Variants in TLK1 observed in about 807,000 individuals in gnomAD.
TLK1 encodes the protein serine/threonine-protein kinase tousled-like 1.
Under a neutral mutation model 105.3 loss-of-function variants are expected in TLK1, and 24 were observed. The observed-to-expected ratio is 0.23, with a 90% CI of 0.17 to 0.32. The LOEUF (loss-of-function observed/expected upper bound fraction) is 0.32. Among genes scored for constraint, TLK1 ranks in the 10% least tolerant of loss-of-function variants. The pLI, the probability that TLK1 is intolerant of heterozygous loss-of-function variation, is 1.00. For synonymous variants in TLK1, 321 were observed against 310.4 expected, an observed-to-expected ratio of 1.03 and a Z score of -0.36; for missense variants, 558 against 910.5, an observed-to-expected ratio of 0.61 and a Z score of 4.98.
chr2:171,129,635 T>A (rs1197150958), intron 1 of TLK1, among the ~76,000 whole-genome samples: 1 of 151,958 alleles, frequency 6.6e-6, no homozygotes, highest in Non-Finnish European at 1.5e-5. Flanking sequence ...GCCCAGGAGT[T>A]CGAGACCAGC....
chr2:171,072,994 A>G (rs1449324361), intron 3 of TLK1, among the ~76,000 whole-genome samples: 2 of 151,002 alleles, frequency 1.3e-5, no homozygotes, highest in African/African-American at 2.4e-5. Flanking sequence ...TGCAAATGGG[A>G]TTACTTTCTT....
At chr2:171,078,482 G>T (rs1423001913) in intron 3 of TLK1, among the ~76,000 whole-genome samples, 1 of 152,022 alleles carries the variant, frequency 6.6e-6, no homozygotes, top group Admixed American at 6.6e-5. Flanking sequence ...AGGTTGTGGT[G>T]AGCTGAGATC....
At chr2:171,176,463 T>G (rs1377595632) in intron 1 of TLK1, among the ~76,000 whole-genome samples, 3 of 152,172 alleles carry the variant, frequency 2.0e-5, no homozygotes, top group African/African-American at 7.2e-5. Flanking sequence ...CCCCCAAACC[T>G]GTTCTTTCCC....
intron 10 of TLK1, among the ~76,000 whole-genome samples, chr2:171,048,134 A>C (rs1306106190): frequency 6.6e-6 from 1 of 152,138 alleles, no homozygotes; most frequent in Non-Finnish European, 1.5e-5. Flanking sequence ...TTTTCAGTAG[A>C]GACAGGGTTT....
At chr2:170,997,104 T>C (rs1200744725) in intron 19 of TLK1, among the ~76,000 whole-genome samples, 6 of 152,200 alleles carry the variant, frequency 3.9e-5, no homozygotes, top group African/African-American at 1.2e-4. Flanking sequence ...AAAATGTCTA[T>C]GACAATTTCC....
chr2:171,189,322 A>T (rs1377707568), intron 1 of TLK1, among the ~76,000 whole-genome samples: 1 of 152,130 alleles, frequency 6.6e-6, no homozygotes, highest in South Asian at 2.1e-4. Context: ...GCCCACCACC[A>T]TGCCCTGTTA....
intron 1 of TLK1, among the ~76,000 whole-genome samples, chr2:171,182,189 A>C (rs1240781700): frequency 1.3e-5 from 2 of 152,258 alleles, no homozygotes; most frequent in African/African-American, 4.8e-5. Context: ...GGCAATCAGC[A>C]TAATAAAAAT....
intron 12 of TLK1, among the ~76,000 whole-genome samples, chr2:171,020,635 C>A (rs562036780): frequency 6.6e-6 from 1 of 151,768 alleles, no homozygotes; most frequent in Non-Finnish European, 1.5e-5. Context: ...TCGAATTTAT[C>A]CTTATTATGT....
At chr2:171,016,772 A>C (rs1487277263) in intron 12 of TLK1, among the ~76,000 whole-genome samples, 3 of 152,328 alleles carry the variant, frequency 2.0e-5, no homozygotes, top group South Asian at 4.1e-4. Flanking sequence ...AACAAATTAT[A>C]TCTCTAAAGA....
intron 1 of TLK1, among the ~76,000 whole-genome samples, chr2:171,219,207 A>G (rs2193452): frequency 0.96 from 146,956 of 152,294 alleles, 71,118 homozygotes; most frequent in East Asian, 1. Flanking sequence ...GGCCAAAAGC[A>G]AGGTGTTGGC....
chr2:171,167,488 T>C (rs1320043328), intron 1 of TLK1, among the ~76,000 whole-genome samples: 2 of 152,228 alleles, frequency 1.3e-5, no homozygotes, highest in Non-Finnish European at 2.9e-5. Flanking sequence ...TGAAGAATTC[T>C]CATTTCATTA....
chr2:171,112,926 C>T (rs1179746955), intron 2 of TLK1, among the ~76,000 whole-genome samples: 2 of 151,998 alleles, frequency 1.3e-5, no homozygotes, highest in Non-Finnish European at 2.9e-5. Flanking sequence ...TACAAAGATG[C>T]TAGTAGTCCC....
intron 12 of TLK1, among the ~76,000 whole-genome samples, chr2:171,025,956 A>G (rs1381120012): frequency 6.6e-6 from 1 of 152,184 alleles, no homozygotes; most frequent in African/African-American, 2.4e-5. Flanking sequence ...TCTCACCCAA[A>G]ATAGTCTCTC....
intron 2 of TLK1, among the ~76,000 whole-genome samples, chr2:171,087,430 A>C (rs1689029824): frequency 6.6e-6 from 1 of 152,166 alleles, no homozygotes. Flanking sequence ...AAGAGAAATT[A>C]CTCAAACTAA....
chr2:171,125,148 T>C (rs1575612405), intron 1 of TLK1, among the ~76,000 whole-genome samples: 1 of 152,194 alleles, frequency 6.6e-6, no homozygotes, highest in Admixed American at 6.5e-5. Context: ...GGCAAACAAA[T>C]AAGCCACTTG....
chr2:171,082,942 AATCT>A (rs1688814878), intron 2 of TLK1, 90 bp from the exon 3 acceptor site: 3 of 851,070 alleles, frequency 3.5e-6, no homozygotes, highest in Non-Finnish European at 3.8e-6. Context: ...CAAAGTAGAT[AATCT>A]ATCTTCATAA....
intron 2 of TLK1, among the ~76,000 whole-genome samples, chr2:171,107,828 G>A (rs543450130): frequency 1.5e-4 from 23 of 152,242 alleles, no homozygotes; most frequent in Admixed American, 3.3e-4. Flanking sequence ...GGAGGCCGAC[G>A]TGGGCGAACT....
At chr2:170,994,936 T>C (rs1683982581) in intron 20 of TLK1, among the ~76,000 whole-genome samples, 1 of 152,208 alleles carries the variant, frequency 6.6e-6, no homozygotes, top group South Asian at 2.1e-4. Flanking sequence ...TAGAAATTAA[T>C]ACATACCATT....
At chr2:170,999,935 A>C (rs1407721747) in intron 18 of TLK1, among the ~76,000 whole-genome samples, 1 of 151,960 alleles carries the variant, frequency 6.6e-6, no homozygotes, top group Non-Finnish European at 1.5e-5. Context: ...ATTTTTTTAA[A>C]AAATTTATAC....
Sources: allele counts gnomAD v4.1 joint callset (sites outside exome capture counted in the v4.1 genomes callset), GRCh38; gene constraint gnomAD v4.1.1; transcripts MANE v1.5; gene names NCBI Gene and HGNC (gene_info 2026-07-23, HGNC 2026-07-21).